The following ELAPOR2 variants were observed in gnomAD, a reference collection of about 807,000 sequenced individuals.
ELAPOR2 encodes the protein endosome-lysosome associated apoptosis and autophagy regulator family member 2.
Under a neutral mutation model 120.7 loss-of-function variants are expected in ELAPOR2, and 89 were observed. The observed-to-expected ratio is 0.74, with a 90% CI of 0.62 to 0.88. ELAPOR2 has a LOEUF of 0.88. Among genes scored for constraint, ELAPOR2 ranks in the 40% least tolerant of loss-of-function variants. The pLI is 0.00. For missense variants in ELAPOR2, 1,134 were observed against 1,251.6 expected, an observed-to-expected ratio of 0.91 and a Z score of 1.42; for synonymous variants, 444 against 444.9, an observed-to-expected ratio of 1.00 and a Z score of 0.03.
At chr7:86,911,656 T>C (rs939893765) in intron 15 of ELAPOR2, 6 of 457,442 alleles carry the variant, frequency 1.3e-5, no homozygotes, top group African/African-American at 1.2e-4. Flanking sequence ...CATGTCTCCT[T>C]TTTATTTTGG....
At chr7:87,022,765 G>A (rs990403967) in intron 1 of ELAPOR2, among the ~76,000 whole-genome samples, 10 of 150,594 alleles carry the variant, frequency 6.6e-5, no homozygotes, top group Non-Finnish European at 8.9e-5. Context: ...TTTAATGATT[G>A]CCATTCTAAC....
intron 1 of ELAPOR2, among the ~76,000 whole-genome samples, chr7:87,004,717 A>T (rs1166434396): frequency 6.6e-6 from 1 of 152,158 alleles, no homozygotes; most frequent in East Asian, 1.9e-4. Context: ...TCAGCTGCAC[A>T]GCTAATTACA....
At chr7:87,045,779 AT>A (rs1334089655) in intron 1 of ELAPOR2, among the ~76,000 whole-genome samples, 15 of 151,444 alleles carry the variant, frequency 9.9e-5, no homozygotes, top group Admixed American at 9.8e-4. Context: ...TAAATAAAAA[AT>A]ATATATAAAA....
At chr7:87,014,127 A>G (rs778370984) in intron 1 of ELAPOR2, among the ~76,000 whole-genome samples, 11 of 151,916 alleles carry the variant, frequency 7.2e-5, no homozygotes, top group Non-Finnish European at 1.0e-4. Flanking sequence ...TACAGAGAAA[A>G]TACATGTTAG....
At chr7:86,983,040 G>C (rs963413797) in intron 1 of ELAPOR2, among the ~76,000 whole-genome samples, 1 of 152,152 alleles carries the variant, frequency 6.6e-6, no homozygotes, top group Non-Finnish European at 1.5e-5. Flanking sequence ...CGTGACACAT[G>C]CACAAGCTTC....
At chr7:86,926,521 A>C (rs1028916926) in intron 9 of ELAPOR2, among the ~76,000 whole-genome samples, 1 of 151,966 alleles carries the variant, frequency 6.6e-6, no homozygotes, top group Non-Finnish European at 1.5e-5. Context: ...TTTTTATGCT[A>C]TCTCTCAAAG....
rs1402236421 is a variant in ELAPOR2 at position 87,059,485 on chromosome 7, C to A, written c.29G>T (p.Arg10Leu). Residue 10 changes from arginine to leucine, a missense_variant, in exon 1 of 22, where the codon CGG becomes CTG. Transcript: ENST00000450689. ...CGCCGGCCGCCCCCAGCCCCTGCCC[C>A]GTACCGGCCCCCGGGCGCGGAACAG... MLFRARGPV[R>L]GRGWGRPAEA... 2.8e-5 allele frequency: 34 copies of A among 1,210,624 alleles called. No individual in the cohort carries two copies. Among genetic ancestry groups the A allele is most frequent in the Non-Finnish European group, 2.2e-5 (21 of 973,238 alleles). 75.0% of individuals were successfully genotyped at this position (1,210,624 alleles called of 1,614,324 possible). A position where few individuals can be genotyped will look rare whatever the true frequency, so the allele number is the denominator to read the frequency against.
At chr7:86,910,076 C>T in intron 15 of ELAPOR2, 75 bp from the exon 16 acceptor site, 1 of 1,171,296 alleles carries the variant, frequency 8.5e-7, no homozygotes, top group Non-Finnish European at 1.2e-6. Flanking sequence ...TAGCTAGTGA[C>T]CCTAGAAGAG....
chr7:86,899,643 C>G (rs1174686924), intron 18 of ELAPOR2, among the ~76,000 whole-genome samples: 1 of 151,932 alleles, frequency 6.6e-6, no homozygotes, highest in Non-Finnish European at 1.5e-5. Flanking sequence ...AAAAAAAAAT[C>G]TACATGTCTA....
intron 1 of ELAPOR2, among the ~76,000 whole-genome samples, chr7:87,025,783 C>A (rs1794223943): frequency 6.6e-6 from 1 of 152,014 alleles, no homozygotes; most frequent in Admixed American, 6.6e-5. Context: ...CAAGTAAAAT[C>A]AAATTTGAGC....
At position 86,947,835 on chromosome 7, in the gene ELAPOR2, C is replaced by T. The variant is rs765230856; in HGVS notation, c.398G>A (p.Gly133Asp). ...CGEGTYSLGS[G>D]IKFDEWDELP... The stretch of plus-strand genomic sequence containing the variant: ...TTCATCCCATTCATCAAATTTGATG[C>T]CACTGCCCAAGGAATAGGTGCCTTC... The change falls in exon 3 of 22, where the codon GGC becomes GAC. Residue 133 changes from glycine to aspartate, a missense_variant. Gly to Asp is a moderately conservative substitution (Grantham distance 94). Transcript: ENST00000450689. The T allele has an allele frequency of 6.4e-7, 1 of 1,551,856 alleles. No homozygotes were observed. Among genetic ancestry groups the T allele is most frequent in the Non-Finnish European group, 8.7e-7 (1 of 1,146,966 alleles).
chr7:86,969,847 G>A (rs1388120733), intron 1 of ELAPOR2, among the ~76,000 whole-genome samples: 5 of 152,200 alleles, frequency 3.3e-5, no homozygotes, highest in African/African-American at 9.6e-5. Flanking sequence ...TTCAAAGTCA[G>A]AAGAAAGCTC....
rs117500401 is a variant in ELAPOR2, at chr7:86,977,990, C to T, written c.190-12966G>A. On this transcript the variant is annotated intron_variant, in intron 1 of 21. Coordinates refer to ENST00000450689, the MANE Select transcript of ELAPOR2 (RefSeq NM_001142749.3). Reference sequence around the variant, plus strand: ...TTTTAAAAGTTATATATTAATATGTCATGGTCACTTCCTGATATGGTTTGG... The same window carrying T: ...TTTTAAAAGTTATATATTAATATGTTATGGTCACTTCCTGATATGGTTTGG... Among the ~76,000 whole-genome samples, 709 of 152,236 alleles carry T rather than the reference C, an allele frequency of 4.7e-3. 14 individuals are homozygous for T. The highest frequency in any genetic ancestry group is 0.04 in the East Asian group (208 of 5,180).
chr7:86,979,147 C>G (rs1792376150), intron 1 of ELAPOR2, among the ~76,000 whole-genome samples: 1 of 152,160 alleles, frequency 6.6e-6, no homozygotes, highest in African/African-American at 2.4e-5. Context: ...AAAGATTGCA[C>G]AATGATGCAG....
intron 1 of ELAPOR2, among the ~76,000 whole-genome samples, chr7:87,014,008 T>G (rs1043072681): frequency 2.6e-5 from 4 of 151,466 alleles, no homozygotes; most frequent in African/African-American, 9.7e-5. Flanking sequence ...TCCCAGTATA[T>G]TTCGTGCCAT....
intron 1 of ELAPOR2, among the ~76,000 whole-genome samples, chr7:87,049,586 A>G (rs1795046630): frequency 6.6e-6 from 1 of 152,128 alleles, no homozygotes. Flanking sequence ...GCAATTTTAA[A>G]TAGGTAGCCA....
chr7:86,981,730 C>G (rs1055501999), intron 1 of ELAPOR2, among the ~76,000 whole-genome samples: 1 of 152,184 alleles, frequency 6.6e-6, no homozygotes, highest in Non-Finnish European at 1.5e-5. Context: ...GTCTGCAGCT[C>G]CCAGCGTGAT....
At chr7:87,028,814 T>G (rs894747753) in intron 1 of ELAPOR2, among the ~76,000 whole-genome samples, 3 of 152,164 alleles carry the variant, frequency 2.0e-5, no homozygotes, top group Non-Finnish European at 2.9e-5. Context: ...AGGCACCATG[T>G]GATCAGCCAC....
chr7:87,035,805 C>T (rs1794568080), intron 1 of ELAPOR2, among the ~76,000 whole-genome samples: 1 of 152,190 alleles, frequency 6.6e-6, no homozygotes, highest in South Asian at 2.1e-4. Context: ...ATCTGATTTT[C>T]AGAACCAGAA....
Sources: gnomAD v4.1 joint callset for allele counts (sites outside exome capture counted in the v4.1 genomes callset) on GRCh38, gnomAD v4.1.1 for gene constraint, MANE v1.5 for transcripts, NCBI Gene and HGNC (gene_info 2026-07-23, HGNC 2026-07-21) for gene names.